Variants in NKAIN3 observed in about 807,000 individuals in gnomAD.
The protein encoded by NKAIN3 is sodium/potassium transporting ATPase interacting 3, also known as sodium/potassium-transporting ATPase subunit beta-1-interacting protein 3.
NKAIN3 carries 25 observed loss-of-function variants against 30.2 expected under a neutral mutation model. The ratio of observed to expected loss-of-function variants is 0.83; its 90% confidence interval spans 0.60 to 1.16. The LOEUF is 1.16. Among genes scored for constraint, NKAIN3 ranks in the 50% most tolerant of loss-of-function variants. The pLI is 0.00. For missense variants in NKAIN3, 225 were observed against 254.1 expected, an observed-to-expected ratio of 0.89 and a Z score of 0.78; for synonymous variants, 91 against 89.6, an observed-to-expected ratio of 1.02 and a Z score of -0.09.
At position 62,972,600 on chromosome 8, in the gene NKAIN3, A is replaced by G. The variant is rs1198163714; in HGVS notation, c.*7193A>G. On this transcript the variant is annotated 3_prime_UTR_variant, in exon 7 of 7. Transcript: ENST00000623646. ...TGAAGGCAGATTATACACATGAGAC[A>G]GTGGTGAATAAATCCACCCCAAAAT... 6.6e-6 allele frequency among the ~76,000 whole-genome samples: 1 copy of G among 152,196 alleles called. No individual in the cohort carries two copies. Among genetic ancestry groups the G allele is most frequent in the East Asian group, 1.9e-4 (1 of 5,200 alleles).
rs577633134 is a variant in NKAIN3, at chr8:62,854,652, T to C, written c.472-63801T>C. Among the ~76,000 whole-genome samples the C allele has an allele frequency of 7.2e-5, 11 of 152,342 alleles. 1 individual carries two copies. The South Asian group carries it at 2.3e-3, about 32-fold the overall frequency. The stretch of plus-strand genomic sequence containing the variant: ...GATGGATCTTGATTCTTTATCTGGT[T>C]TGCCATTCTGTGTCTTTTAATTGGG... On this transcript the variant is annotated intron_variant, in intron 4 of 6. Transcript: ENST00000623646.
chr8:62,767,539 C>G (rs994843583), intron 4 of NKAIN3, among the ~76,000 whole-genome samples: 3 of 149,796 alleles, frequency 2.0e-5, no homozygotes, highest in Non-Finnish European at 3.0e-5. Flanking sequence ...TCGATAAACT[C>G]TTTTTTTTTT....
intron 4 of NKAIN3, among the ~76,000 whole-genome samples, chr8:62,833,936 A>G (rs527348230): frequency 1.3e-5 from 2 of 150,384 alleles, no homozygotes; most frequent in Non-Finnish European, 3.0e-5. Flanking sequence ...ACAAAATGCT[A>G]GCAAACTGAA....
chr8:62,418,064 T>C (rs1193237327), intron 1 of NKAIN3, among the ~76,000 whole-genome samples: 1 of 152,134 alleles, frequency 6.6e-6, no homozygotes, highest in Non-Finnish European at 1.5e-5. Flanking sequence ...CACTCACCTC[T>C]CCCCAGTTAC....
In NKAIN3 at chr8:62,969,492, C is replaced by A. The variant is rs1332241683; in HGVS notation, c.*4085C>A. ...TACCTAATTTTAAAACGAATTGTGT[C>A]CCCAAATATGGTCTATTCTGGCTAA... On this transcript the variant is annotated 3_prime_UTR_variant, in exon 7 of 7. Coordinates refer to ENST00000623646, the MANE Select transcript of NKAIN3 (RefSeq NM_001304533.3). 6.6e-6 allele frequency among the ~76,000 whole-genome samples: 1 copy of A among 152,138 alleles called. No homozygotes were observed. The highest frequency in any genetic ancestry group is 1.5e-5 in the Non-Finnish European group (1 of 68,018).
At chr8:62,548,009 C>A (rs1809070786) in intron 1 of NKAIN3, among the ~76,000 whole-genome samples, 2 of 152,066 alleles carry the variant, frequency 1.3e-5, no homozygotes, top group African/African-American at 4.8e-5. Context: ...GTACACATGG[C>A]CTTATGTTTT....
chr8:62,621,739 C>T (rs1254655106), intron 3 of NKAIN3, among the ~76,000 whole-genome samples: 1 of 151,910 alleles, frequency 6.6e-6, no homozygotes, highest in Non-Finnish European at 1.5e-5. Context: ...TTTCTTTTTA[C>T]TGGTAGTACT....
intron 3 of NKAIN3, among the ~76,000 whole-genome samples, chr8:62,611,172 T>TA (rs955427666): frequency 6.6e-6 from 1 of 152,082 alleles, no homozygotes; most frequent in African/African-American, 2.4e-5. Flanking sequence ...ATTTCTTTTT[T>TA]AAAAAAATGT....
intron 1 of NKAIN3, among the ~76,000 whole-genome samples, chr8:62,354,668 C>A (rs1295552446): frequency 6.6e-6 from 1 of 152,146 alleles, no homozygotes; most frequent in African/African-American, 2.4e-5. Context: ...GTCTTGAACT[C>A]CTGACCTCAG....
intron 5 of NKAIN3, among the ~76,000 whole-genome samples, chr8:62,938,449 A>G (rs1822853360): frequency 6.6e-6 from 1 of 152,088 alleles, no homozygotes; most frequent in Admixed American, 6.5e-5. Context: ...ATTCAAGAAA[A>G]GCAGTGCACT....
At position 62,797,513 on chromosome 8, in the gene NKAIN3, C is replaced by T. The variant is rs918864304; in HGVS notation, c.471+50384C>T. On this transcript the variant is annotated intron_variant, in intron 4 of 6. Coordinates refer to ENST00000623646, the MANE Select transcript of NKAIN3 (RefSeq NM_001304533.3). ...GTGCCCTTCCATTGTTTACCTGTGT[C>T]TCCTGCCAGACAGTGACCTCCCTCA... Among the ~76,000 whole-genome samples, 2 of 152,168 alleles carry T rather than the reference C, an allele frequency of 1.3e-5. 1 individual carries two copies. The highest frequency in any genetic ancestry group is 1.3e-4 in the Admixed American group (2 of 15,272).
At chr8:62,649,515 C>T (rs913652329) in intron 3 of NKAIN3, among the ~76,000 whole-genome samples, 2 of 151,920 alleles carry the variant, frequency 1.3e-5, no homozygotes, top group African/African-American at 4.8e-5. Flanking sequence ...AGTTGTTTTT[C>T]TGTCATTTGT....
chr8:62,721,673 A>C (rs1247780817), intron 3 of NKAIN3, among the ~76,000 whole-genome samples: 4 of 152,232 alleles, frequency 2.6e-5, no homozygotes, highest in Non-Finnish European at 5.9e-5. Flanking sequence ...AAAAATATGC[A>C]TTCATTCTTA....
At chr8:62,842,945 T>A (rs1819575214) in intron 4 of NKAIN3, among the ~76,000 whole-genome samples, 1 of 152,072 alleles carries the variant, frequency 6.6e-6, no homozygotes, top group African/African-American at 2.4e-5. Context: ...GGACAAGGAT[T>A]TTTTTAGATG....
Position 62,349,406 on chromosome 8 carries a change from G to A in NKAIN3, c.54+100279G>A, listed in dbSNP as rs554576458. On this transcript the variant is annotated intron_variant, in intron 1 of 6. Transcript: ENST00000623646. ...GCAAAAACCTAACTATACAGGTAAA[G>A]GTTAGAACTAGATATAGGTGTTAGA... Among the ~76,000 whole-genome samples, 4 of 152,184 alleles carry A rather than the reference G, an allele frequency of 2.6e-5. No individual in the cohort carries two copies. In the South Asian group the frequency reaches 8.3e-4, roughly 32 times the overall value.
At chr8:62,601,969 A>G (rs1176194441) in intron 3 of NKAIN3, among the ~76,000 whole-genome samples, 1 of 152,058 alleles carries the variant, frequency 6.6e-6, no homozygotes, top group East Asian at 1.9e-4. Flanking sequence ...TTCTACAATA[A>G]AGAAAATCAC....
At chr8:62,763,005 G>A (rs1816716188) in intron 4 of NKAIN3, among the ~76,000 whole-genome samples, 1 of 151,736 alleles carries the variant, frequency 6.6e-6, no homozygotes, top group African/African-American at 2.4e-5. Context: ...GGCAGATCAC[G>A]AGGTCAGGAG....
intron 3 of NKAIN3, among the ~76,000 whole-genome samples, chr8:62,741,141 C>T (rs1815855600): frequency 6.6e-6 from 1 of 151,888 alleles, no homozygotes; most frequent in South Asian, 2.1e-4. Context: ...TCTATTGCCC[C>T]AATAATAAGA....
At chr8:62,877,577 G>A (rs898288303) in intron 4 of NKAIN3, among the ~76,000 whole-genome samples, 2 of 152,228 alleles carry the variant, frequency 1.3e-5, no homozygotes, top group Admixed American at 6.5e-5. Flanking sequence ...TTGGCCTGGA[G>A]CCAGACACCT....
Sources: allele counts gnomAD v4.1 joint callset (sites outside exome capture counted in the v4.1 genomes callset), GRCh38; gene constraint gnomAD v4.1.1; transcripts MANE v1.5; gene names NCBI Gene and HGNC (gene_info 2026-07-23, HGNC 2026-07-21).